Variants in KCNMA1 observed in about 807,000 individuals in gnomAD.
The protein encoded by KCNMA1 is potassium calcium-activated channel subfamily M alpha 1.
A neutral mutation model predicts 140.0 loss-of-function variants in KCNMA1; 29 were observed. That is an observed-to-expected ratio of 0.21 (90% CI 0.15 to 0.28). The LOEUF (loss-of-function observed/expected upper bound fraction) is 0.28. Ranked by LOEUF, KCNMA1 falls within the 10% of genes least tolerant of loss-of-function variation. KCNMA1 has a pLI of 1.00. For missense variants in KCNMA1, 880 were observed against 1,602.2 expected, an observed-to-expected ratio of 0.55 and a Z score of 7.70; for synonymous variants, 612 against 611.9, an observed-to-expected ratio of 1.00 and a Z score of 0.00.
chr10:77,333,753 G>A (rs924622115), intron 2 of KCNMA1, among the ~76,000 whole-genome samples: 2 of 152,198 alleles, frequency 1.3e-5, no homozygotes, highest in East Asian at 3.8e-4. Flanking sequence ...TGTTGCCTCA[G>A]ACTACTACGG....
intron 23 of KCNMA1, among the ~76,000 whole-genome samples, chr10:76,918,054 A>C (rs2053699919): frequency 6.6e-6 from 1 of 152,192 alleles, no homozygotes; most frequent in South Asian, 2.1e-4. Flanking sequence ...ATCTCTGACC[A>C]TCTTGCTCTC....
intron 5 of KCNMA1, among the ~76,000 whole-genome samples, chr10:77,181,709 T>C (rs886986825): frequency 1.3e-5 from 2 of 152,100 alleles, no homozygotes; most frequent in Non-Finnish European, 2.9e-5. Flanking sequence ...GTGACTCTAC[T>C]AGCCTCATCA....
intron 2 of KCNMA1, among the ~76,000 whole-genome samples, chr10:77,286,776 G>A (rs1032269277): frequency 1.9e-5 from 2 of 105,164 alleles, no homozygotes; most frequent in African/African-American, 3.4e-5. Flanking sequence ...CGGGGGGGGG[G>A]GGGGGGTTCC....
chr10:76,946,989 G>T (rs932178585), intron 22 of KCNMA1, among the ~76,000 whole-genome samples: 1 of 152,172 alleles, frequency 6.6e-6, no homozygotes, highest in Admixed American at 6.5e-5. Flanking sequence ...GAAATGACCT[G>T]CAAAGATGAC....
intron 2 of KCNMA1, among the ~76,000 whole-genome samples, chr10:77,348,600 C>T (rs2092493200): frequency 1.3e-5 from 2 of 152,214 alleles, no homozygotes; most frequent in Admixed American, 6.5e-5. Flanking sequence ...GCTTGGGCTG[C>T]TGGGATCCGT....
intron 1 of KCNMA1, among the ~76,000 whole-genome samples, chr10:77,415,266 A>T (rs906092364): frequency 6.6e-6 from 1 of 152,240 alleles, no homozygotes; most frequent in African/African-American, 2.4e-5. Flanking sequence ...TAAAATAACA[A>T]TCTCCTTCTC....
chr10:77,550,747 T>A (rs745482519), intron 1 of KCNMA1, among the ~76,000 whole-genome samples: 2 of 152,180 alleles, frequency 1.3e-5, no homozygotes, highest in African/African-American at 4.8e-5. Context: ...GATGTTGACA[T>A]AATTGTTAGG....
At chr10:76,990,090 G>C (rs570533676) in intron 19 of KCNMA1, among the ~76,000 whole-genome samples, 6 of 152,292 alleles carry the variant, frequency 3.9e-5, no homozygotes, top group Admixed American at 2.0e-4. Context: ...AGATGAGGAA[G>C]CTAAAAAATA....
At chr10:77,588,610 G>A (rs937903141) in intron 1 of KCNMA1, among the ~76,000 whole-genome samples, 6 of 152,168 alleles carry the variant, frequency 3.9e-5, no homozygotes, top group African/African-American at 1.4e-4. Flanking sequence ...CAGGAAGACC[G>A]GAAGCTGGGC....
At position 77,633,195 on chromosome 10, in the gene KCNMA1, G is replaced by A. The variant is rs184816331; in HGVS notation, c.378+4070C>T. On this transcript the variant is annotated intron_variant, in intron 1 of 27. Coordinates refer to ENST00000286628, the MANE Select transcript of KCNMA1 (RefSeq NM_001161352.2). The stretch of plus-strand genomic sequence containing the variant: ...CCAGGTGTGGCAGCGTGCGCCTGTA[G>A]TCCCAGCTACTTGGGAGGCTGAGGC... 7.5e-3 allele frequency among the ~76,000 whole-genome samples: 1,149 copies of A among 152,246 alleles called. 7 individuals carry two copies. Among genetic ancestry groups the A allele is most frequent in the Non-Finnish European group, 0.013 (878 of 68,006 alleles).
At position 77,204,674 on chromosome 10, in the gene KCNMA1, C is replaced by T. The variant is rs188255802; in HGVS notation, c.603-19758G>A. Among the ~76,000 whole-genome samples the T allele has an allele frequency of 3.3e-3, 508 of 152,282 alleles. 8 individuals carry two copies. The highest frequency in any genetic ancestry group is 0.012 in the Admixed American group (190 of 15,290). On this transcript the variant is annotated intron_variant, in intron 3 of 27. Coordinates refer to ENST00000286628, the MANE Select transcript of KCNMA1 (RefSeq NM_001161352.2). ...CAACTCATTCTCTGACCTGCTTCCT[C>T]GACATGGTTTGGTGCCTATTGTCCT...
chr10:76,920,251 A>G (rs1044360249), intron 23 of KCNMA1, among the ~76,000 whole-genome samples: 3 of 151,692 alleles, frequency 2.0e-5, no homozygotes, highest in African/African-American at 7.3e-5. Flanking sequence ...TTAATAATTG[A>G]GAATGAAGAA....
intron 1 of KCNMA1, among the ~76,000 whole-genome samples, chr10:77,464,972 G>A (rs1032596491): frequency 2.0e-5 from 3 of 152,152 alleles, no homozygotes; most frequent in Non-Finnish European, 4.4e-5. Flanking sequence ...ACAGGACGAC[G>A]GCCGTGTATA....
At chr10:77,608,205 C>G (rs1027399510) in intron 1 of KCNMA1, among the ~76,000 whole-genome samples, 3 of 152,128 alleles carry the variant, frequency 2.0e-5, no homozygotes, top group South Asian at 2.1e-4. Context: ...CAGGGTCTCA[C>G]TCTGTTGCCC....
Position 77,196,478 on chromosome 10 carries a change from C to A in KCNMA1, c.603-11562G>T, listed in dbSNP as rs892912780. Among the ~76,000 whole-genome samples, 5 of 152,076 alleles carry A rather than the reference C, an allele frequency of 3.3e-5. No homozygotes were observed. The South Asian group carries it at 8.3e-4, about 25-fold the overall frequency. ...TTACATTTAAGCTCCTTTCAAAAAG[C>A]GAAATGCTCCCATTCAAAGGATCTT... On this transcript the variant is annotated intron_variant, in intron 3 of 27. Coordinates refer to ENST00000286628, the MANE Select transcript of KCNMA1 (RefSeq NM_001161352.2).
At chr10:77,532,018 C>A (rs1603633479) in intron 1 of KCNMA1, among the ~76,000 whole-genome samples, 1 of 152,182 alleles carries the variant, frequency 6.6e-6, no homozygotes, top group East Asian at 1.9e-4. Context: ...AGCCCAGTTA[C>A]CCATATGAAT....
At chr10:77,000,857 A>AATATATATATATATATATATAT (rs56359933) in intron 19 of KCNMA1, among the ~76,000 whole-genome samples, 18 of 36,634 alleles carry the variant, frequency 4.9e-4, no homozygotes, top group South Asian at 1.1e-3. Context: ...GTAAAAAGAA[A>AATATATATATATATATATATAT]ATATATATAT....
At chr10:76,968,690 A>G (rs766390893) in intron 20 of KCNMA1, among the ~76,000 whole-genome samples, 6 of 152,236 alleles carry the variant, frequency 3.9e-5, no homozygotes, top group Non-Finnish European at 8.8e-5. Flanking sequence ...AACTGTAAAC[A>G]AGCATGCAAA....
At chr10:77,013,430 T>TA (rs751581367) in intron 17 of KCNMA1, among the ~76,000 whole-genome samples, 79 of 149,790 alleles carry the variant, frequency 5.3e-4, no homozygotes, top group South Asian at 1.9e-3. Context: ...TCAAAAAAAT[T>TA]AAAAAAAAAA....
Sources: gnomAD v4.1 joint callset for allele counts (sites outside exome capture counted in the v4.1 genomes callset) on GRCh38, gnomAD v4.1.1 for gene constraint, MANE v1.5 for transcripts, NCBI Gene and HGNC (gene_info 2026-07-23, HGNC 2026-07-21) for gene names.